SLC7A8: variants seen among roughly 807,000 people sequenced by gnomAD.
SLC7A8 encodes large neutral amino acids transporter small subunit 2.
Under a neutral mutation model 51.2 loss-of-function variants are expected in SLC7A8, and 30 were observed. That is an observed-to-expected ratio of 0.59 (90% CI 0.44 to 0.80). The LOEUF (loss-of-function observed/expected upper bound fraction) is 0.80, where lower values mean the gene tolerates loss of function less well. Among genes scored for constraint, SLC7A8 ranks in the 30% least tolerant of loss-of-function variants. The probability of loss-of-function intolerance (pLI) is 0.00; values close to 1 mark genes in which losing one functional copy is unlikely to be tolerated. For synonymous variants in SLC7A8, 257 were observed against 275.8 expected (o/e 0.93, Z 0.67); for missense variants, 612 against 674.4 (o/e 0.91, Z 1.03).
chr14:23,181,051 C>G (rs1043416201), intron 1 of SLC7A8, among the ~76,000 whole-genome samples: 1 of 152,064 alleles, frequency 6.6e-6, no homozygotes, highest in Non-Finnish European at 1.5e-5. Flanking sequence ...ATACCTGAAC[C>G]TATATTGGGA....
intron 3 of SLC7A8, among the ~76,000 whole-genome samples, chr14:23,151,267 C>T (rs953314235): frequency 4.6e-5 from 7 of 152,232 alleles, no homozygotes; most frequent in East Asian, 1.9e-4. Flanking sequence ...TGAATGGAAA[C>T]GACAGATAGA....
chr14:23,156,670 G>C (rs976109715), intron 3 of SLC7A8, among the ~76,000 whole-genome samples: 2 of 152,228 alleles, frequency 1.3e-5, no homozygotes, highest in Non-Finnish European at 2.9e-5. Flanking sequence ...GAGAATTTAA[G>C]TTTCTAGGCT....
intron 3 of SLC7A8, among the ~76,000 whole-genome samples, chr14:23,164,173 C>T (rs920646734): frequency 6.6e-6 from 1 of 152,186 alleles, no homozygotes; most frequent in African/African-American, 2.4e-5. Flanking sequence ...TGAATCCTAA[C>T]CACAGTATCT....
intron 3 of SLC7A8, among the ~76,000 whole-genome samples, chr14:23,164,594 C>T (rs2048939429): frequency 6.7e-6 from 1 of 148,882 alleles, no homozygotes; most frequent in South Asian, 2.1e-4. Flanking sequence ...CTCCAAGGAG[C>T]TACTTAAGTT....
chr14:23,160,174 A>C (rs2140331338), intron 3 of SLC7A8, among the ~76,000 whole-genome samples: 1 of 152,304 alleles, frequency 6.6e-6, no homozygotes, highest in East Asian at 1.9e-4. Context: ...AAGCCTGGGA[A>C]AGGGTGTCCC....
chr14:23,167,043 C>A (rs1420024076), intron 1 of SLC7A8, among the ~76,000 whole-genome samples: 1 of 152,164 alleles, frequency 6.6e-6, no homozygotes, highest in Non-Finnish European at 1.5e-5. Flanking sequence ...AGCCAAAGGG[C>A]AATATTTTTT....
chr14:23,154,366 C>G, intron 3 of SLC7A8: 1 of 999,452 alleles, frequency 1.0e-6, no homozygotes, highest in Non-Finnish European at 1.2e-6. Flanking sequence ...TCCCTCCCAG[C>G]AGCCCTCTGG....
chr14:23,133,595 G>A (rs1274225059), intron 7 of SLC7A8, among the ~76,000 whole-genome samples: 1 of 152,222 alleles, frequency 6.6e-6, no homozygotes, highest in Non-Finnish European at 1.5e-5. Context: ...GGGAGGCTGA[G>A]GTGGGTGAAT....
intron 3 of SLC7A8, among the ~76,000 whole-genome samples, chr14:23,147,252 T>C (rs559975767): frequency 6.6e-6 from 1 of 152,148 alleles, no homozygotes; most frequent in African/African-American, 2.4e-5. Flanking sequence ...CATCCACCCA[T>C]CTACTCATCC....
At chr14:23,131,065 G>A (rs1243698032) in intron 8 of SLC7A8, among the ~76,000 whole-genome samples, 14 of 152,344 alleles carry the variant, frequency 9.2e-5, no homozygotes, top group Admixed American at 9.1e-4. Flanking sequence ...AGCTTGATGG[G>A]GGAAGTGGGT....
intron 4 of SLC7A8, among the ~76,000 whole-genome samples, chr14:23,142,006 C>T (rs367847764): frequency 2.6e-5 from 4 of 152,328 alleles, no homozygotes; most frequent in South Asian, 4.1e-4. Flanking sequence ...TTAGGAGGGA[C>T]TCACTATTTT....
At position 23,126,424 on chromosome 14, in the gene SLC7A8, CAGA is replaced by C. The variant is rs1252533784; in HGVS notation, c.*750_*752del. On this transcript the variant is annotated 3_prime_UTR_variant, in exon 11 of 11. Transcript: ENST00000316902. ...GAGAGATGCCCACTACCTTAAAAAT[CAGA>C]AGCTTTTTGGCTTCTGGAAGCTTTG... The C allele has an allele frequency of 9.1e-5, 14 of 153,010 alleles. No individual in the cohort carries two copies. Among genetic ancestry groups the C allele is most frequent in the African/African-American group, 3.4e-4 (14 of 41,430 alleles). The allele number at this position is 153,010 out of a possible 1,614,324, so 9.5% of individuals were successfully genotyped here. A position where few individuals can be genotyped will look rare whatever the true frequency, so the allele number is the denominator to read the frequency against.
At chr14:23,141,136 T>G (rs56822648) in intron 4 of SLC7A8, among the ~76,000 whole-genome samples, 6,148 of 152,048 alleles carry the variant, frequency 0.04, 446 homozygotes, top group African/African-American at 0.14. Flanking sequence ...ATTTAAAAAG[T>G]TAGCTGGGTG....
chr14:23,136,457 T>TA lies in SLC7A8; in HGVS notation c.1016+1463dup, dbSNP rs374203833. 6.7e-3 allele frequency among the ~76,000 whole-genome samples: 1,017 copies of TA among 152,260 alleles called. 7 individuals are homozygous for TA. The highest frequency in any genetic ancestry group is 0.023 in the African/African-American group (953 of 41,544). On this transcript the variant is annotated intron_variant, in intron 7 of 10. Transcript: ENST00000316902. ...AGACAGTCCTTGCCCAGCTAGCCGATAACGGAGGAGACGATGACATTAAGC... is the reference window on the plus strand; with the variant it reads ...AGACAGTCCTTGCCCAGCTAGCCGATAAACGGAGGAGACGATGACATTAAGC...
intron 1 of SLC7A8, among the ~76,000 whole-genome samples, chr14:23,172,866 T>C (rs1173582443): frequency 6.6e-6 from 1 of 152,102 alleles, no homozygotes; most frequent in South Asian, 2.1e-4. Context: ...CTCAGCACTG[T>C]TACTTTTGGT....
intron 1 of SLC7A8, among the ~76,000 whole-genome samples, chr14:23,166,921 C>T (rs1004835484): frequency 1.4e-4 from 21 of 152,238 alleles, no homozygotes; most frequent in East Asian, 3.9e-4. Context: ...TCCAGCTGAG[C>T]GACACGTGGT....
At chr14:23,181,367 A>G (rs1178613011) in intron 1 of SLC7A8, among the ~76,000 whole-genome samples, 1 of 150,174 alleles carries the variant, frequency 6.7e-6, no homozygotes, top group African/African-American at 2.5e-5. Flanking sequence ...TATCTTTCTT[A>G]TAACTGTAGA....
chr14:23,130,809 A>G (rs988540319), intron 8 of SLC7A8, among the ~76,000 whole-genome samples: 17 of 152,222 alleles, frequency 1.1e-4, no homozygotes, highest in Non-Finnish European at 1.9e-4. Flanking sequence ...TGTTTTATTC[A>G]GGATCCAGAA....
At chr14:23,166,615 G>A in intron 1 of SLC7A8, 75 bp from the exon 2 acceptor site, 1 of 1,493,414 alleles carries the variant, frequency 6.7e-7, no homozygotes, top group African/African-American at 1.4e-5. Context: ...TTTGGAGGGT[G>A]GTCTCATTTC....
Sources: allele counts gnomAD v4.1 joint callset (sites outside exome capture counted in the v4.1 genomes callset), GRCh38; gene constraint gnomAD v4.1.1; transcripts MANE v1.5; gene names NCBI Gene and HGNC (gene_info 2026-07-23, HGNC 2026-07-21).